IL17B: variants seen among roughly 807,000 people sequenced by gnomAD.
The protein encoded by IL17B is interleukin-17B.
Under a neutral mutation model 14.7 loss-of-function variants are expected in IL17B, and 14 were observed. That is an observed-to-expected ratio of 0.95 (90% CI 0.63 to 1.49). The LOEUF is 1.49. Ranked by LOEUF, IL17B falls within the 40% of genes most tolerant of loss-of-function variation. The probability of loss-of-function intolerance (pLI) is 0.00; values close to 1 mark genes in which losing one functional copy is unlikely to be tolerated. For missense variants in IL17B, 233 were observed against 252.8 expected, an observed-to-expected ratio of 0.92 and a Z score of 0.53; for synonymous variants, 105 against 94.8, an observed-to-expected ratio of 1.11 and a Z score of -0.62.
intron 1 of IL17B, among the ~76,000 whole-genome samples, chr5:149,397,899 A>G (rs536433745): frequency 1.3e-3 from 191 of 152,220 alleles, no homozygotes; most frequent in African/African-American, 4.4e-3. Context: ...TCTCAGAGAG[A>G]GACCATTTGC....
intron 1 of IL17B, among the ~76,000 whole-genome samples, chr5:149,384,329 A>G (rs1046311008): frequency 9.9e-5 from 15 of 152,204 alleles, no homozygotes; most frequent in Admixed American, 9.8e-4. Flanking sequence ...GTTAAAATGC[A>G]TTAATCATTA....
chr5:149,374,392 C>T lies in IL17B; in HGVS notation c.520G>A (p.Val174Met). Residue 174 changes from valine to methionine, a missense_variant, in exon 3 of 3, where the codon GTG becomes ATG. Coordinates refer to ENST00000261796, the MANE Select transcript of IL17B (RefSeq NM_014443.3). This position sits in a 1 kb window ranked among gnomAD's most constrained non-coding sequence, Gnocchi z 5.0. ...RQRAVMETIAVGCTCIF is the reference protein window; with the variant it reads ...RQRAVMETIAMGCTCIF Reference sequence around the variant, plus strand: ...ATTCAGAAGATGCAGGTGCAGCCCACAGCGATGGTCTCCATGACTGCGCGC... The same window carrying T: ...ATTCAGAAGATGCAGGTGCAGCCCATAGCGATGGTCTCCATGACTGCGCGC... 6.3e-7 allele frequency: 1 copy of T among 1,587,702 alleles called. No individual in the cohort carries two copies. Among genetic ancestry groups the T allele is most frequent in the Non-Finnish European group, 8.6e-7 (1 of 1,168,104 alleles).
chr5:149,378,413 T>C (rs1758601982), intron 1 of IL17B, among the ~76,000 whole-genome samples: 1 of 152,126 alleles, frequency 6.6e-6, no homozygotes, highest in Admixed American at 6.5e-5. Context: ...GGAAGAGGAC[T>C]CAGGCCCGGC....
chr5:149,378,276 C>A (rs1290005541), intron 1 of IL17B, among the ~76,000 whole-genome samples: 1 of 152,130 alleles, frequency 6.6e-6, no homozygotes, highest in Non-Finnish European at 1.5e-5. Flanking sequence ...CCTGCACTGC[C>A]CTTCTCCCCT....
intron 1 of IL17B, among the ~76,000 whole-genome samples, chr5:149,390,587 GCACACACACACACACACACA>G (rs56268721): frequency 8.7e-6 from 1 of 114,880 alleles, no homozygotes; most frequent in Admixed American, 9.2e-5. Flanking sequence ...CCCTGAGTTA[GCACACACACACACACACACA>G]CACACACACA....
chr5:149,379,993 G>C (rs1758649335), upstream of IL17B, among the ~76,000 whole-genome samples: 1 of 152,180 alleles, frequency 6.6e-6, no homozygotes, highest in Non-Finnish European at 1.5e-5. Context: ...CCCTCACTCT[G>C]GCCAAGTTTC....
chr5:149,402,732 G>A (rs1277990111), intron 1 of IL17B, among the ~76,000 whole-genome samples: 8 of 150,752 alleles, frequency 5.3e-5, no homozygotes, highest in African/African-American at 1.2e-4. Flanking sequence ...TGCCGGGCAC[G>A]GTGGCTCATG....
intron 1 of IL17B, among the ~76,000 whole-genome samples, chr5:149,390,587 G>GCACA (rs56268721): frequency 0.038 from 4,310 of 114,878 alleles, 96 homozygotes; most frequent in Non-Finnish European, 0.042. Flanking sequence ...CCCTGAGTTA[G>GCACA]CACACACACA....
At chr5:149,378,273 T>G (rs893729218) in intron 1 of IL17B, among the ~76,000 whole-genome samples, 1 of 152,194 alleles carries the variant, frequency 6.6e-6, no homozygotes, top group Non-Finnish European at 1.5e-5. Flanking sequence ...CCGCCTGCAC[T>G]GCCCTTCTCC....
upstream of IL17B, among the ~76,000 whole-genome samples, chr5:149,379,725 G>A (rs910581616): frequency 5.3e-5 from 8 of 152,150 alleles, no homozygotes; most frequent in Non-Finnish European, 1.5e-5. Context: ...ACAGCCTCAG[G>A]CACTCCAGCC....
At chr5:149,380,488 T>G (rs1561712346), upstream of IL17B, among the ~76,000 whole-genome samples, 1 of 152,056 alleles carries the variant, frequency 6.6e-6, no homozygotes, top group Non-Finnish European at 1.5e-5. Context: ...CTGAGAGAGG[T>G]CTAGGCCTCC....
intron 1 of IL17B, among the ~76,000 whole-genome samples, chr5:149,389,932 G>A (rs749016764): frequency 3.3e-5 from 5 of 152,160 alleles, no homozygotes; most frequent in Non-Finnish European, 7.4e-5. Context: ...GTATCAGACC[G>A]GGAGACATGG....
At chr5:149,402,182 G>A (rs1011627701) in intron 1 of IL17B, among the ~76,000 whole-genome samples, 3 of 152,136 alleles carry the variant, frequency 2.0e-5, no homozygotes, top group Admixed American at 6.5e-5. Flanking sequence ...TGACCATGGT[G>A]GAAGGACATG....
chr5:149,400,686 T>G (rs374534361), intron 1 of IL17B, among the ~76,000 whole-genome samples: 1 of 152,146 alleles, frequency 6.6e-6, no homozygotes, highest in African/African-American at 2.4e-5. Flanking sequence ...ATCTCGGAAA[T>G]TGGCTTACAT....
intron 1 of IL17B, among the ~76,000 whole-genome samples, chr5:149,390,448 A>T (rs931639185): frequency 6.6e-6 from 1 of 151,794 alleles, no homozygotes. Flanking sequence ...CAGCCCAGCT[A>T]CCACGTAGTG....
At chr5:149,379,096 C>G in intron 1 of IL17B, 109 bp downstream of exon 1, 1 of 1,361,454 alleles carries the variant, frequency 7.3e-7, no homozygotes, top group Non-Finnish European at 1.0e-6. Context: ...GAAGTTGCCT[C>G]TGCAGATTCT....
At chr5:149,396,297 T>C (rs1440869880) in intron 1 of IL17B, among the ~76,000 whole-genome samples, 2 of 152,220 alleles carry the variant, frequency 1.3e-5, no homozygotes, top group Admixed American at 1.3e-4. Context: ...ATTCTAGAAA[T>C]TTCAGACCTA....
intron 1 of IL17B, among the ~76,000 whole-genome samples, chr5:149,400,485 C>T (rs953848809): frequency 3.9e-5 from 6 of 152,160 alleles, no homozygotes; most frequent in Admixed American, 3.3e-4. Context: ...AGCAGCCCTG[C>T]CTGACTGACA....
chr5:149,377,093 C>T (rs1345618661), intron 1 of IL17B, 68 bp from the exon 2 acceptor site: 5 of 1,374,774 alleles, frequency 3.6e-6, no homozygotes, highest in African/African-American at 1.5e-5. Flanking sequence ...ACTTGGGGTC[C>T]ATGGTCCTTT....
Sources: allele counts gnomAD v4.1 joint callset (sites outside exome capture counted in the v4.1 genomes callset), GRCh38; gene constraint gnomAD v4.1.1; non-coding constraint Gnocchi (gnomAD v3.1); transcripts MANE v1.5; gene names NCBI Gene and HGNC (gene_info 2026-07-23, HGNC 2026-07-21).